The following HTT variants were observed in gnomAD, a reference collection of about 807,000 sequenced individuals.
The protein encoded by HTT is huntington disease protein.
Under a neutral mutation model 362.3 loss-of-function variants are expected in HTT, and 104 were observed. The observed-to-expected ratio is 0.29, with a 90% CI of 0.24 to 0.34. HTT has a LOEUF of 0.34. Ranked by LOEUF, HTT falls within the 10% of genes least tolerant of loss-of-function variation. The pLI, the probability that HTT is intolerant of heterozygous loss-of-function variation, is 1.00. For synonymous variants in HTT, 1,577 were observed against 1,548.7 expected, an observed-to-expected ratio of 1.02 and a Z score of -0.43; for missense variants, 3,301 against 3,928.6, an observed-to-expected ratio of 0.84 and a Z score of 4.27.
chr4:3,217,962 C>T lies in HTT; in HGVS notation c.7242+10C>T, dbSNP rs1405317656. On this transcript the variant is annotated intron_variant, in intron 52 of 66. Coordinates refer to ENST00000355072, the MANE Select transcript of HTT (RefSeq NM_001388492.1). ...ACGTGTGCCCCCACTGGTGAGTCTG[C>T]TCGTTCCTTGCAGAAGACCAAGTAC... is the stretch of plus-strand genomic sequence containing the variant. 2 of 1,596,278 alleles carry T rather than the reference C, an allele frequency of 1.3e-6. No individual in the cohort carries two copies. The highest frequency in any genetic ancestry group is 3.4e-5 in the Admixed American group (2 of 59,188).
rs1397028988 is a variant in HTT, at chr4:3,206,861, T to C, written c.5953T>C (p.Ser1985Pro). The change falls in exon 44 of 67, where the codon TCG becomes CCG. Residue 1985 changes from serine (S) to proline (P), a missense_variant. Around this residue, in one of 4 missense-constraint regions of HTT, gnomAD observed 2,316 missense variants for 2,658.5 expected, o/e 0.87. Coordinates refer to ENST00000355072, the MANE Select transcript of HTT (RefSeq NM_001388492.1). The surrounding 1 kb of genome is among the most constrained non-coding windows in gnomAD (Gnocchi z 4.6). ...CTTGGAGGGGATCCATCTCAGCCAG[T>C]CGGGAGCTGTGCTCACGCTGTATGT... ...QCLEGIHLSQSGAVLTLYVDR... is the reference protein window; with the variant it reads ...QCLEGIHLSQPGAVLTLYVDR... 6.2e-7 allele frequency: 1 copy of C among 1,613,508 alleles called. No homozygotes were observed. Among genetic ancestry groups the C allele is most frequent in the Non-Finnish European group, 8.5e-7 (1 of 1,179,566 alleles).
chr4:3,090,985 G>A (rs1713475564), intron 2 of HTT, among the ~76,000 whole-genome samples: 1 of 152,166 alleles, frequency 6.6e-6, no homozygotes, highest in African/African-American at 2.4e-5. Flanking sequence ...GGTGGTGCAT[G>A]CCTGTAGTCC....
At chr4:3,192,029 T>G (rs976443206) in intron 40 of HTT, among the ~76,000 whole-genome samples, 4 of 152,234 alleles carry the variant, frequency 2.6e-5, no homozygotes, top group Admixed American at 2.0e-4. Context: ...TGTATATTTA[T>G]GCATCTCAGC....
Position 3,182,386 on chromosome 4 carries a change from G to A in HTT, c.4782G>A (p.Gln1594=). ...VLEMFILVLQ[Q]CHKENEDKWK... ...AGATGTTCATTCTTGTCCTGCAGCAGTGCCACAAGGAGAATGAAGACAAGT... is the reference window on the plus strand; with the variant it reads ...AGATGTTCATTCTTGTCCTGCAGCAATGCCACAAGGAGAATGAAGACAAGT... The change falls in exon 37 of 67, where the codon CAG becomes CAA. Residue 1594 remains glutamine, a synonymous_variant. Transcript: ENST00000355072. The A allele has an allele frequency of 6.2e-7, 1 of 1,613,964 alleles. No homozygotes were observed.
At chr4:3,135,355 A>T (rs1716013263) in intron 19 of HTT, among the ~76,000 whole-genome samples, 2 of 150,230 alleles carry the variant, frequency 1.3e-5, no homozygotes, top group East Asian at 1.9e-4. Flanking sequence ...CTGTGTTGGC[A>T]CTTTCATTTT....
At chr4:3,135,879 A>G (rs1179942692) in intron 19 of HTT, 25 bp from the exon 20 acceptor site, 4 of 1,575,886 alleles carry the variant, frequency 2.5e-6, no homozygotes, top group Non-Finnish European at 3.4e-6. Flanking sequence ...AAATGATTTC[A>G]TTGTTAAATG....
chr4:3,174,654 C>G, intron 31 of HTT, 67 bp from the exon 32 acceptor site: 1 of 1,270,952 alleles, frequency 7.9e-7, no homozygotes, highest in Non-Finnish European at 1.1e-6. Flanking sequence ...AGGAGTATAT[C>G]TGAGTGCAGA....
At position 3,136,218 on chromosome 4, in the gene HTT, C is replaced by T; in HGVS notation, c.2698-8C>T. On this transcript the variant is annotated splice_region_variant and splice_polypyrimidine_tract_variant and intron_variant, in intron 20 of 66. Coordinates refer to ENST00000355072, the MANE Select transcript of HTT (RefSeq NM_001388492.1). ...TTATGTTTATTTTTATTATCCTTCT[C>T]TCTAAAGCTTTTAAAACTGCAAGAA... 1 of 1,570,414 alleles carries T rather than the reference C, an allele frequency of 6.4e-7. No homozygotes were observed. The highest frequency in any genetic ancestry group is 1.1e-5 in the South Asian group (1 of 88,830).
At position 3,177,384 on chromosome 4, in the gene HTT, T is replaced by A. The variant is rs749731556; in HGVS notation, c.4460T>A (p.Phe1487Tyr). ...TTTGAATACATTGAAGTGGGCCAGT[T>A]CAGGTAATAGCATTTTATTATTTTA... ...KQFEYIEVGQ[F>Y]RESEAIIPNI... Residue 1487 changes from phenylalanine (F) to tyrosine (Y), a missense_variant, in exon 34 of 67, where the codon TTC becomes TAC. Phe to Tyr is a conservative substitution (Grantham distance 22). Around this residue, in one of 4 missense-constraint regions of HTT, gnomAD observed 2,316 missense variants for 2,658.5 expected, o/e 0.87. Transcript: ENST00000355072. 6.3e-7 allele frequency: 1 copy of A among 1,586,298 alleles called. No homozygotes were observed.
In HTT at chr4:3,199,857, C is replaced by T. The variant is rs1719451028; in HGVS notation, c.5494C>T (p.Leu1832=). The part of the protein sequence containing the change: ...ARSMITTHPA[L]VLLWCQILLL... ...TTCCATGATCACCACCCACCCGGCC[C>T]TGGTGCTGCTCTGGTGTCAGATACT... Residue 1832 remains leucine (L), a synonymous_variant, in exon 41 of 67, where the codon CTG becomes TTG. Transcript: ENST00000355072. 1 of 1,614,080 alleles carries T rather than the reference C, an allele frequency of 6.2e-7. No homozygotes were observed. Among genetic ancestry groups the T allele is most frequent in the Admixed American group, 1.7e-5 (1 of 60,010 alleles).
At chr4:3,106,794 T>C (rs933950105) in intron 5 of HTT, among the ~76,000 whole-genome samples, 1 of 152,180 alleles carries the variant, frequency 6.6e-6, no homozygotes, top group African/African-American at 2.4e-5. Context: ...AGGGCAGGGC[T>C]GCACCACTCC....
intron 51 of HTT, among the ~76,000 whole-genome samples, chr4:3,216,082 G>T (rs942001943): frequency 2.1e-4 from 32 of 152,186 alleles, no homozygotes; most frequent in African/African-American, 7.7e-4. Flanking sequence ...TCAATCATGA[G>T]TGCACCAGTG....
chr4:3,189,046 A>G lies in HTT; in HGVS notation c.5321A>G (p.Gln1774Arg), dbSNP rs1465363894. 1 of 1,614,078 alleles carries G rather than the reference A, an allele frequency of 6.2e-7. No individual in the cohort carries two copies. ...GAGCAGCAACATACTTTCTATTGCC[A>G]GGAACTAGGCACACTGCTAATGTGT... The part of the protein sequence containing the change: ...MSEQQHTFYC[Q>R]ELGTLLMCLI... The change falls in exon 40 of 67, where the codon CAG (glutamine) becomes CGG (arginine). Residue 1774 changes from glutamine to arginine, a missense_variant. Physicochemically the swap from Gln to Arg is conservative, Grantham distance 43 (BLOSUM62 1). This residue lies in a region of HTT where 2,316 missense variants were observed against 2,658.5 expected (regional missense o/e 0.87). Coordinates refer to ENST00000355072, the MANE Select transcript of HTT (RefSeq NM_001388492.1).
intron 6 of HTT, among the ~76,000 whole-genome samples, chr4:3,112,841 T>C (rs1714833774): frequency 6.6e-6 from 1 of 152,186 alleles, no homozygotes; most frequent in Non-Finnish European, 1.5e-5. Flanking sequence ...CCTTGAGTGC[T>C]TGTACCAGCT....
At chr4:3,159,846 ATATTT>A (rs1163020802) in intron 28 of HTT, among the ~76,000 whole-genome samples, 3 of 152,196 alleles carry the variant, frequency 2.0e-5, no homozygotes, top group African/African-American at 7.2e-5. Context: ...ACCTGATTTA[ATATTT>A]TATTGTATCC....
chr4:3,200,014 TG>T, intron 41 of HTT, 75 bp downstream of exon 41: 1 of 1,244,668 alleles, frequency 8.0e-7, no homozygotes, highest in Non-Finnish European at 1.1e-6. Flanking sequence ...ACCTGAGCTT[TG>T]GCCACCGTTA....
intron 31 of HTT, 28 bp from the exon 32 acceptor site, chr4:3,174,693 C>T: frequency 6.4e-7 from 1 of 1,559,344 alleles, no homozygotes; most frequent in Non-Finnish European, 8.8e-7. Flanking sequence ...TTCTCATTCT[C>T]TGCTTCCCTT....
intron 39 of HTT, 189 bp from the exon 40 acceptor site, chr4:3,188,762 G>A (rs1205732487): frequency 5.3e-6 from 3 of 561,382 alleles, no homozygotes; most frequent in Non-Finnish European, 9.5e-6. Flanking sequence ...TCCTCAGTGA[G>A]GAAGGTGATA....
chr4:3,189,051 C>T lies in HTT; in HGVS notation c.5326C>T (p.Leu1776=). ...GCAACATACTTTCTATTGCCAGGAA[C>T]TAGGCACACTGCTAATGTGTCTGAT... is the stretch of plus-strand genomic sequence containing the variant. ...EQQHTFYCQE[L]GTLLMCLIHI... Residue 1776 remains leucine, a synonymous_variant, in exon 40 of 67, where the codon CTA becomes TTA. Coordinates refer to ENST00000355072, the MANE Select transcript of HTT (RefSeq NM_001388492.1). 2 of 1,614,130 alleles carry T rather than the reference C, an allele frequency of 1.2e-6. No homozygotes were observed. Among genetic ancestry groups the T allele is most frequent in the African/African-American group, 1.3e-5 (1 of 75,030 alleles).
Sources: allele counts gnomAD v4.1 joint callset (sites outside exome capture counted in the v4.1 genomes callset), GRCh38; gene constraint gnomAD v4.1.1; regional missense constraint gnomAD v4.1.1; non-coding constraint Gnocchi (gnomAD v3.1); transcripts MANE v1.5; gene names NCBI Gene and HGNC (gene_info 2026-07-23, HGNC 2026-07-21).